The following HEG1 variants were observed in gnomAD, a reference collection of about 807,000 sequenced individuals.
The protein encoded by HEG1 is protein HEG homolog 1.
A neutral mutation model predicts 125.6 loss-of-function variants in HEG1; 56 were observed. That is an observed-to-expected ratio of 0.45 (90% CI 0.36 to 0.56). The LOEUF is 0.56. HEG1 is among the 20% of genes least tolerant of loss of function. The pLI is 0.00. For synonymous variants in HEG1, 644 were observed against 668.5 expected (o/e 0.96, Z 0.57); for missense variants, 1,523 against 1,670.0 (o/e 0.91, Z 1.53).
rs781539373 is a variant in HEG1, at chr3:124,968,565, T to C, written c.*2087A>G. On this transcript the variant is annotated 3_prime_UTR_variant, in exon 17 of 17. Coordinates refer to ENST00000311127, the MANE Select transcript of HEG1 (RefSeq NM_020733.2). ...TTTCAGGACAGAACACTTCATTTTG[T>C]GGAGCTGAAGTCTTCTGGCTCCGAT... 2 of 152,244 alleles carry C rather than the reference T, an allele frequency of 1.3e-5. No homozygotes were observed. The highest frequency in any genetic ancestry group is 2.9e-5 in the Non-Finnish European group (2 of 68,038). 9.4% of individuals were successfully genotyped at this position (152,244 alleles called of 1,614,324 possible).
chr3:124,999,067 A>C (rs898702379), intron 11 of HEG1, among the ~76,000 whole-genome samples: 1 of 152,154 alleles, frequency 6.6e-6, no homozygotes, highest in African/African-American at 2.4e-5. Flanking sequence ...GGTTTTGGTG[A>C]CATGAGCTGC....
In HEG1 at chr3:125,014,801, T is replaced by C. The variant is rs550051079; in HGVS notation, c.1589-811A>G. On this transcript the variant is annotated intron_variant, in intron 5 of 16. Transcript: ENST00000311127. ...CGTGCAGAGAGGCACCCTCTGTTTCTTGGTGCATGGCCGCTGCAGGGCTGC... is the reference window on the plus strand; with the variant it reads ...CGTGCAGAGAGGCACCCTCTGTTTCCTGGTGCATGGCCGCTGCAGGGCTGC... 72 of 1,289,854 alleles carry C rather than the reference T, an allele frequency of 5.6e-5. No homozygotes were observed. The African/African-American group carries it at 1.0e-3, about 18-fold the overall frequency. 79.9% of individuals were successfully genotyped at this position (1,289,854 alleles called of 1,614,324 possible).
chr3:125,013,243 T>G lies in HEG1; in HGVS notation c.2336A>C (p.Lys779Thr). 3 of 1,614,040 alleles carry G rather than the reference T, an allele frequency of 1.9e-6. No homozygotes were observed. The highest frequency in any genetic ancestry group is 2.2e-5 in the East Asian group (1 of 44,886). The part of the protein sequence containing the change: ...MLHSSQTADL[K>T]SQSTPHQEKV... ...CTCTTGGTGTGGGGTGCTCTGGCTC[T>G]TAAGGTCTGCAGTTTGACTACTATG... The change falls in exon 6 of 17, where the codon AAG (lysine) becomes ACG (threonine). Residue 779 changes from lysine (K) to threonine (T), a missense_variant. Lys to Thr is a moderately conservative substitution (Grantham distance 78, BLOSUM62 -1). Coordinates refer to ENST00000311127, the MANE Select transcript of HEG1 (RefSeq NM_020733.2).
intron 1 of HEG1, among the ~76,000 whole-genome samples, chr3:125,045,998 A>C (rs1366599509): frequency 6.6e-6 from 1 of 152,178 alleles, no homozygotes; most frequent in African/African-American, 2.4e-5. Context: ...CTCCTCCTCA[A>C]AAACCTTGTT....
In HEG1 at chr3:125,013,540, G is replaced by A; in HGVS notation, c.2039C>T (p.Ser680Phe). 1 of 1,605,374 alleles carries A rather than the reference G, an allele frequency of 6.2e-7. No individual in the cohort carries two copies. The highest frequency in any genetic ancestry group is 8.5e-7 in the Non-Finnish European group (1 of 1,175,636). ...SSSGPPLPLPSVSQSHHLFSS... is the reference protein window; with the variant it reads ...SSSGPPLPLPFVSQSHHLFSS... Reference sequence around the variant, plus strand: ...AAATAAATGGTGGGATTGTGACACAGAGGGCAGAGGCAAAGGAGGCCCTGA... The same window carrying A: ...AAATAAATGGTGGGATTGTGACACAAAGGGCAGAGGCAAAGGAGGCCCTGA... The change falls in exon 6 of 17, where the codon TCT becomes TTT. Residue 680 changes from serine to phenylalanine, a missense_variant. By Grantham distance (155) the Ser-to-Phe change is radical. Transcript: ENST00000311127.
In HEG1 at chr3:124,977,912, C is replaced by A; in HGVS notation, c.3768G>T (p.Ala1256=). 1 of 1,580,668 alleles carries A rather than the reference C, an allele frequency of 6.3e-7. No homozygotes were observed. The highest frequency in any genetic ancestry group is 1.3e-5 in the African/African-American group (1 of 74,258). Residue 1256 remains alanine, a synonymous_variant, in exon 15 of 17, where the codon GCG becomes GCT. Coordinates refer to ENST00000311127, the MANE Select transcript of HEG1 (RefSeq NM_020733.2). ...CTAGGATGAGCAGGAGCCCACCTCC[C>A]GCGGCTGCGATCACCACAGTGATAA... ...YQLITVVIAA[A]GGGLLLILGI...
chr3:125,001,595 CAGA>C (rs1041452959), intron 11 of HEG1, among the ~76,000 whole-genome samples: 2 of 152,260 alleles, frequency 1.3e-5, no homozygotes, highest in Admixed American at 1.3e-4. Flanking sequence ...ATAAAATAAA[CAGA>C]AGGAGCTGCA....
intron 14 of HEG1, among the ~76,000 whole-genome samples, chr3:124,980,789 G>A (rs1162858869): frequency 6.6e-6 from 1 of 152,070 alleles, no homozygotes; most frequent in African/African-American, 2.4e-5. Flanking sequence ...ACGGTGCTGG[G>A]ATTACAGGTG....
At chr3:125,008,137 T>C (rs1407351655) in intron 8 of HEG1, among the ~76,000 whole-genome samples, 1 of 152,194 alleles carries the variant, frequency 6.6e-6, no homozygotes, top group African/African-American at 2.4e-5. Context: ...CTTGAATTCC[T>C]GATCTCAAGT....
chr3:124,995,742 T>C (rs887911678), intron 12 of HEG1, among the ~76,000 whole-genome samples: 1 of 152,220 alleles, frequency 6.6e-6, no homozygotes, highest in Non-Finnish European at 1.5e-5. Context: ...AGCCCAAAAG[T>C]GAATCAAGGT....
chr3:124,975,633 C>T (rs1019646614), intron 15 of HEG1, among the ~76,000 whole-genome samples: 3 of 152,196 alleles, frequency 2.0e-5, no homozygotes, highest in Admixed American at 6.5e-5. Context: ...AGTTTCATCA[C>T]CCCAAGAAGA....
At chr3:124,973,389 A>G (rs1378753627) in intron 16 of HEG1, among the ~76,000 whole-genome samples, 1 of 152,182 alleles carries the variant, frequency 6.6e-6, no homozygotes. Flanking sequence ...GGCAGACAGG[A>G]GATAAAAATG....
intron 8 of HEG1, among the ~76,000 whole-genome samples, chr3:125,007,198 C>CAAAAAAA (rs1212172102): frequency 5.5e-5 from 3 of 54,706 alleles, no homozygotes; most frequent in Non-Finnish European, 7.7e-5. Flanking sequence ...GACTCCGTCT[C>CAAAAAAA]AAAAAAAAAA....
Position 125,012,709 on chromosome 3 carries a change from G to A in HEG1, c.2870C>T (p.Thr957Met), listed in dbSNP as rs147885895. ...SPSPQTTVVS[T>M]AEDLAPKSAT... Reference sequence around the variant, plus strand: ...AGATTTGGGAGCCAAGTCTTCAGCCGTGGAAACAACTGTGGTTTGGGGAGA... The same window carrying A: ...AGATTTGGGAGCCAAGTCTTCAGCCATGGAAACAACTGTGGTTTGGGGAGA... The change falls in exon 6 of 17, where the codon ACG (threonine) becomes ATG (methionine). Residue 957 changes from threonine to methionine, a missense_variant. Transcript: ENST00000311127. 3,128 of 1,613,942 alleles carry A rather than the reference G, an allele frequency of 1.9e-3. 44 individuals are homozygous for A. The African/African-American group carries it at 0.035, about 18-fold the overall frequency.
intron 14 of HEG1, among the ~76,000 whole-genome samples, chr3:124,987,282 G>A (rs965204976): frequency 6.6e-6 from 1 of 152,204 alleles, no homozygotes; most frequent in Non-Finnish European, 1.5e-5. Context: ...TGAGAGGCCT[G>A]TCAGGGATGA....
intron 11 of HEG1, among the ~76,000 whole-genome samples, chr3:124,998,739 T>G (rs898756176): frequency 5.3e-5 from 8 of 152,136 alleles, no homozygotes; most frequent in Non-Finnish European, 8.8e-5. Context: ...ACAATGAGGG[T>G]GCATAGGCCT....
At chr3:125,031,826 A>G (rs1937507149) in intron 1 of HEG1, among the ~76,000 whole-genome samples, 1 of 151,994 alleles carries the variant, frequency 6.6e-6, no homozygotes, top group Non-Finnish European at 1.5e-5. Flanking sequence ...ATACACACAC[A>G]CACACGCACA....
chr3:125,041,970 A>T (rs1937596917), intron 1 of HEG1, among the ~76,000 whole-genome samples: 1 of 152,226 alleles, frequency 6.6e-6, no homozygotes, highest in Admixed American at 6.5e-5. Context: ...AGAAGTTATT[A>T]TTTAATGAGT....
rs771973567 is a variant in HEG1 at position 124,990,971 on chromosome 3, T to G, written c.3668A>C (p.Tyr1223Ser). 6.4e-7 allele frequency: 1 copy of G among 1,558,752 alleles called. No homozygotes were observed. The highest frequency in any genetic ancestry group is 2.4e-5 in the East Asian group (1 of 42,184). Residue 1223 changes from tyrosine to serine, a missense_variant, in exon 13 of 17, where the codon TAT (tyrosine) becomes TCT (serine). Transcript: ENST00000311127. ...CATGCAGGTTTCATTTTCAAGCCTA[T>G]ATCCATCTTCACATGCTGAAAGACA... ...DHSCRACEDG[Y>S]RLENETCMSC...
Sources: allele counts gnomAD v4.1 joint callset (sites outside exome capture counted in the v4.1 genomes callset), GRCh38; gene constraint gnomAD v4.1.1; transcripts MANE v1.5; gene names NCBI Gene and HGNC (gene_info 2026-07-23, HGNC 2026-07-21).